Variants in GABPB1 observed in about 807,000 individuals in gnomAD.
The protein encoded by GABPB1 is GA binding protein transcription factor subunit beta 1.
GABPB1 carries 15 observed loss-of-function variants against 45.9 expected under a neutral mutation model. That is an observed-to-expected ratio of 0.33 (90% CI 0.22 to 0.50). GABPB1 has a LOEUF of 0.50. Ranked by LOEUF, GABPB1 falls within the 20% of genes least tolerant of loss-of-function variation. The probability of loss-of-function intolerance (pLI) is 0.98; values close to 1 mark genes in which losing one functional copy is unlikely to be tolerated. For missense variants in GABPB1, 252 were observed against 457.5 expected (o/e 0.55, Z 4.10); for synonymous variants, 143 against 154.4 (o/e 0.93, Z 0.55).
chr15:50,285,659 T>G (rs1595733019), intron 8 of GABPB1, among the ~76,000 whole-genome samples: 1 of 152,206 alleles, frequency 6.6e-6, no homozygotes, highest in Non-Finnish European at 1.5e-5. Flanking sequence ...TTGACAAACA[T>G]CAACCTCCTT....
At position 50,301,355 on chromosome 15, in the gene GABPB1, T is replaced by C; in HGVS notation, c.485A>G (p.Asn162Ser). 1.2e-6 allele frequency: 2 copies of C among 1,611,730 alleles called. No individual in the cohort carries two copies. Among genetic ancestry groups the C allele is most frequent in the East Asian group, 2.2e-5 (1 of 44,854 alleles). Residue 162 changes from asparagine (N) to serine (S), a missense_variant, in exon 5 of 9, where the codon AAC becomes AGC. Physicochemically the swap from Asn to Ser is conservative, Grantham distance 46. Coordinates refer to ENST00000380877, the MANE Select transcript of GABPB1 (RefSeq NM_016654.5). The stretch of plus-strand genomic sequence containing the variant: ...ACTCTCTGGGTTTGTGTTGATTTGG[T>C]TCTGCATAGCAATCTAGGGAAAAAA... ...LAEILQIAMQ[N>S]QINTNPESPD...
Position 50,325,903 on chromosome 15 carries a change from GTTT to G in GABPB1, c.1-16108_1-16106del, listed in dbSNP as rs1279107064. Among the ~76,000 whole-genome samples, 16 of 110,382 alleles carry G rather than the reference GTTT, an allele frequency of 1.4e-4. No individual in the cohort carries two copies. In the East Asian group the frequency reaches 3.0e-3, roughly 21 times the overall value. The allele number at this position is 110,382 out of a possible 152,430, so 72.4% of individuals were successfully genotyped here. ...TAACATTTTAAAATAAGATATAAGG[GTTT>G]TTTTTGTTTTTTTTTTTTTAAGACA... On this transcript the variant is annotated intron_variant, in intron 1 of 8. Transcript: ENST00000380877.
chr15:50,294,235 G>A (rs909726034), intron 6 of GABPB1, among the ~76,000 whole-genome samples: 12 of 152,156 alleles, frequency 7.9e-5, no homozygotes, highest in African/African-American at 2.9e-4. Context: ...AGAAACTATG[G>A]ACCGGGAGCA....
At chr15:50,300,509 C>T (rs1280639402) in intron 6 of GABPB1, among the ~76,000 whole-genome samples, 1 of 130,190 alleles carries the variant, frequency 7.7e-6, no homozygotes, top group Non-Finnish European at 1.6e-5. Flanking sequence ...GTGGCACAAA[C>T]TCAGCTCACT....
At chr15:50,293,381 C>A (rs1010714209) in intron 6 of GABPB1, among the ~76,000 whole-genome samples, 6 of 152,156 alleles carry the variant, frequency 3.9e-5, no homozygotes, top group African/African-American at 1.4e-4. Flanking sequence ...TCAAGGATCA[C>A]AATACAAACC....
chr15:50,297,162 C>T (rs1000005840), intron 6 of GABPB1, among the ~76,000 whole-genome samples: 3 of 151,670 alleles, frequency 2.0e-5, no homozygotes, highest in African/African-American at 7.3e-5. Flanking sequence ...CCACCCACCT[C>T]GGCCTCCCAA....
chr15:50,336,415 T>C (rs1268326449), intron 1 of GABPB1, among the ~76,000 whole-genome samples: 3 of 149,764 alleles, frequency 2.0e-5, no homozygotes, highest in Non-Finnish European at 4.4e-5. Context: ...CTCACAAGCC[T>C]AGGTACAGTG....
chr15:50,338,915 C>T (rs1404587664), intron 1 of GABPB1, among the ~76,000 whole-genome samples: 4 of 152,230 alleles, frequency 2.6e-5, no homozygotes, highest in African/African-American at 9.6e-5. Flanking sequence ...TCATGTCTCA[C>T]TTTGGGAGGC....
intron 1 of GABPB1, among the ~76,000 whole-genome samples, chr15:50,312,804 T>TA (rs1292001522): frequency 6.6e-6 from 1 of 152,226 alleles, no homozygotes; most frequent in African/African-American, 2.4e-5. Context: ...GATATCTGAG[T>TA]ATCTTTTGTG....
chr15:50,286,400 A>G (rs2046156976), intron 7 of GABPB1, among the ~76,000 whole-genome samples: 1 of 151,960 alleles, frequency 6.6e-6, no homozygotes, highest in African/African-American at 2.4e-5. Context: ...AGTACCTACA[A>G]ATATTTTTTT....
intron 1 of GABPB1, 44 bp from the exon 2 acceptor site, chr15:50,309,842 T>C: frequency 8.9e-7 from 1 of 1,123,372 alleles, no homozygotes; most frequent in Non-Finnish European, 1.4e-6. Context: ...TCTCCATTTA[T>C]ACACTATGAC....
chr15:50,337,759 C>G (rs1336887948), intron 1 of GABPB1, among the ~76,000 whole-genome samples: 2 of 151,916 alleles, frequency 1.3e-5, no homozygotes, highest in Admixed American at 1.3e-4. Context: ...AGAGACAGAC[C>G]CCGTCTCAAC....
intron 1 of GABPB1, among the ~76,000 whole-genome samples, chr15:50,327,759 C>T (rs947789561): frequency 1.3e-5 from 2 of 151,970 alleles, no homozygotes; most frequent in Admixed American, 6.6e-5. Context: ...ATTAGCTGGG[C>T]GTGGTGGTGC....
intron 8 of GABPB1, chr15:50,282,501 C>T (rs989931918): frequency 2.2e-5 from 6 of 268,158 alleles, no homozygotes; most frequent in South Asian, 1.2e-4. Flanking sequence ...TTGCAGTGAG[C>T]CATGATTGCA....
chr15:50,282,571 A>AAAAAAAAAAAAAAAAAAAAAAAG (rs1567472500), intron 8 of GABPB1, among the ~76,000 whole-genome samples: 2 of 150,932 alleles, frequency 1.3e-5, no homozygotes, highest in Non-Finnish European at 3.0e-5. Context: ...AAAAAAAAAA[A>AAAAAAAAAAAAAAAAAAAAAAAG]AAAACAGAGA....
At chr15:50,312,481 C>G (rs28622102) in intron 1 of GABPB1, among the ~76,000 whole-genome samples, 181 of 152,272 alleles carry the variant, frequency 1.2e-3, no homozygotes, top group African/African-American at 4.1e-3. Context: ...TCCAATGAGG[C>G]ATTTTTTCCT....
At chr15:50,317,839 G>A (rs2047401409) in intron 1 of GABPB1, among the ~76,000 whole-genome samples, 1 of 151,866 alleles carries the variant, frequency 6.6e-6, no homozygotes, top group South Asian at 2.1e-4. Flanking sequence ...AACCCGGGAG[G>A]CGGAGCTTGC....
intron 1 of GABPB1, chr15:50,353,289 G>GA (rs1390032099): frequency 6.6e-6 from 1 of 152,046 alleles, no homozygotes; most frequent in African/African-American, 2.4e-5. Context: ...AAAAGTATGG[G>GA]AATCAATCTT....
Position 50,309,766 on chromosome 15 carries a change from T to C in GABPB1, c.33A>G (p.Leu11=), listed in dbSNP as rs771819225. MSLVDLGKKL[L]EAARAGQDDE... ...CATCTTGACCTGCTCGTGCCGCTTC[T>C]AAAAGCTTCTTTCCCAAATCTACCA... is the stretch of plus-strand genomic sequence containing the variant. Residue 11 remains leucine, a synonymous_variant, in exon 2 of 9, where the codon TTA becomes TTG. Transcript: ENST00000380877. The C allele has an allele frequency of 1.2e-6, 2 of 1,613,412 alleles. No homozygotes were observed. Among genetic ancestry groups the C allele is most frequent in the East Asian group, 4.5e-5 (2 of 44,848 alleles).
Sources: gnomAD v4.1 joint callset for allele counts (sites outside exome capture counted in the v4.1 genomes callset) on GRCh38, gnomAD v4.1.1 for gene constraint, MANE v1.5 for transcripts, NCBI Gene and HGNC (gene_info 2026-07-23, HGNC 2026-07-21) for gene names.